Variants in EYS observed in about 807,000 individuals in gnomAD.
EYS encodes the protein EGF-like photoreceptor maintenance factor.
EYS carries 250 observed loss-of-function variants against 282.1 expected under a neutral mutation model. The observed-to-expected ratio is 0.89, with a 90% confidence interval of 0.80 to 0.98. The LOEUF is 0.98. Ranked by LOEUF, EYS falls within the 50% of genes least tolerant of loss-of-function variation. The pLI is 0.00. For missense variants in EYS, 4,016 were observed against 3,709.0 expected (o/e 1.08, Z -2.15); for synonymous variants, 1,355 against 1,282.9 (o/e 1.06, Z -1.20).
At position 65,494,811 on chromosome 6, in the gene EYS, G is replaced by A. The variant is rs145581501; in HGVS notation, c.600C>T (p.Cys200=). 2.0e-5 allele frequency: 32 copies of A among 1,613,904 alleles called. No homozygotes were observed. The highest frequency in any genetic ancestry group is 2.7e-5 in the Non-Finnish European group (32 of 1,180,008). ...TTCCAGAAAATGGAGGCTGGCAATGGCAGCTATATGTCTTGCTCCAAGCTT... is the reference window on the plus strand; with the variant it reads ...TTCCAGAAAATGGAGGCTGGCAATGACAGCTATATGTCTTGCTCCAAGCTT... ...LSEAWSKTYS[C]HCQPPFSGKY... The change falls in exon 4 of 43, where the codon TGC becomes TGT. Residue 200 remains cysteine, a synonymous_variant. Transcript: ENST00000503581.
chr6:64,619,424 T>A (rs1170259851), intron 23 of EYS, among the ~76,000 whole-genome samples: 1 of 151,858 alleles, frequency 6.6e-6, no homozygotes, highest in Non-Finnish European at 1.5e-5. Flanking sequence ...AGAGAGCTTG[T>A]ACTCAACCCC....
intron 37 of EYS, among the ~76,000 whole-genome samples, chr6:63,798,985 G>GTATATATATATATATA (rs1211498823): frequency 2.3e-5 from 2 of 87,570 alleles, no homozygotes; most frequent in South Asian, 3.9e-4. Context: ...ATGTATATGT[G>GTATATATATATATATA]TGTATATATA....
At chr6:65,651,409 TTA>T (rs906330136) in intron 1 of EYS, among the ~76,000 whole-genome samples, 4 of 152,082 alleles carry the variant, frequency 2.6e-5, no homozygotes, top group African/African-American at 9.7e-5. Context: ...GAGACAATGT[TTA>T]TATTAATTCA....
At chr6:63,937,978 T>C (rs1354597087) in intron 35 of EYS, among the ~76,000 whole-genome samples, 1 of 152,242 alleles carries the variant, frequency 6.6e-6, no homozygotes, top group African/African-American at 2.4e-5. Context: ...GACTAGCTGA[T>C]AAAATCAATT....
chr6:64,247,597 G>A (rs1767060305), intron 30 of EYS, among the ~76,000 whole-genome samples: 1 of 152,092 alleles, frequency 6.6e-6, no homozygotes, highest in Non-Finnish European at 1.5e-5. Flanking sequence ...AAGGTGACCA[G>A]TAAAACCGGG....
intron 10 of EYS, among the ~76,000 whole-genome samples, chr6:65,339,308 C>T (rs1770109368): frequency 6.6e-6 from 1 of 151,080 alleles, no homozygotes; most frequent in Admixed American, 6.6e-5. Context: ...TAATTGCGAA[C>T]TTGAACTAAT....
intron 26 of EYS, among the ~76,000 whole-genome samples, chr6:64,447,914 T>C (rs757859873): frequency 2.0e-5 from 3 of 152,200 alleles, no homozygotes; most frequent in Non-Finnish European, 4.4e-5. Context: ...AAAAATTATT[T>C]AATAGCAATC....
intron 36 of EYS, among the ~76,000 whole-genome samples, chr6:63,838,641 G>C (rs55869859): frequency 0.12 from 17,682 of 152,064 alleles, 1,269 homozygotes; most frequent in African/African-American, 0.19. Context: ...TTCCCCTGTA[G>C]GTGAGAGAGG....
At chr6:65,182,647 T>C (rs1765419493) in intron 12 of EYS, among the ~76,000 whole-genome samples, 2 of 151,980 alleles carry the variant, frequency 1.3e-5, no homozygotes, top group Admixed American at 6.6e-5. Flanking sequence ...TTAGTCTCAA[T>C]TTTGTTTAAT....
At chr6:63,917,510 A>G (rs900460805) in intron 35 of EYS, among the ~76,000 whole-genome samples, 1 of 152,208 alleles carries the variant, frequency 6.6e-6, no homozygotes, top group African/African-American at 2.4e-5. Context: ...CAACTTTTGT[A>G]CTTGACCAAC....
chr6:63,875,420 G>T (rs1183436437), intron 35 of EYS, among the ~76,000 whole-genome samples: 2 of 152,160 alleles, frequency 1.3e-5, no homozygotes, highest in Non-Finnish European at 2.9e-5. Context: ...CAGGGACATT[G>T]GTCTAAAATT....
intron 33 of EYS, among the ~76,000 whole-genome samples, chr6:64,047,915 ATTTAT>A (rs1025455379): frequency 2.6e-5 from 4 of 151,912 alleles, no homozygotes; most frequent in Admixed American, 2.6e-4. Context: ...TATTTTATTT[ATTTAT>A]TTTGAGACAG....
chr6:64,752,999 A>G (rs992875041), intron 22 of EYS, among the ~76,000 whole-genome samples: 1 of 152,160 alleles, frequency 6.6e-6, no homozygotes, highest in African/African-American at 2.4e-5. Flanking sequence ...ATACTGCTAA[A>G]CAAGGCTTAA....
intron 2 of EYS, among the ~76,000 whole-genome samples, chr6:65,636,549 CCAA>C (rs1767097183): frequency 6.6e-6 from 1 of 151,948 alleles, no homozygotes; most frequent in African/African-American, 2.4e-5. Flanking sequence ...TATAAAACAG[CCAA>C]CAATTAACCA....
At chr6:64,643,778 T>G (rs1768255602) in intron 22 of EYS, among the ~76,000 whole-genome samples, 1 of 152,254 alleles carries the variant, frequency 6.6e-6, no homozygotes, top group African/African-American at 2.4e-5. Flanking sequence ...AGCTCTTTCT[T>G]TGCCTGCTGC....
At chr6:64,444,026 G>A (rs1160934212) in intron 26 of EYS, among the ~76,000 whole-genome samples, 1 of 152,168 alleles carries the variant, frequency 6.6e-6, no homozygotes, top group Non-Finnish European at 1.5e-5. Flanking sequence ...AGCTTTAGCA[G>A]AAACATGCCC....
intron 30 of EYS, among the ~76,000 whole-genome samples, chr6:64,293,769 AT>A (rs1453058354): frequency 6.6e-6 from 1 of 151,974 alleles, no homozygotes; most frequent in East Asian, 1.9e-4. Flanking sequence ...TATTTATTAC[AT>A]TTTTAAACGT....
chr6:64,565,602 T>C (rs1344193677), intron 26 of EYS, among the ~76,000 whole-genome samples: 2 of 152,036 alleles, frequency 1.3e-5, no homozygotes, highest in South Asian at 2.1e-4. Context: ...TGCCACAAGC[T>C]GGGAGGTAGG....
chr6:64,327,423 G>A (rs1039025062), intron 29 of EYS, among the ~76,000 whole-genome samples: 4 of 152,148 alleles, frequency 2.6e-5, no homozygotes, highest in African/African-American at 7.2e-5. Context: ...ATTGGGTTAT[G>A]CTAACTCCAC....
Sources: gnomAD v4.1 joint callset for allele counts (sites outside exome capture counted in the v4.1 genomes callset) on GRCh38, gnomAD v4.1.1 for gene constraint, MANE v1.5 for transcripts, NCBI Gene and HGNC (gene_info 2026-07-23, HGNC 2026-07-21) for gene names.